Variants in ATP6V1H observed in about 807,000 individuals in gnomAD.
The protein encoded by ATP6V1H is V-type proton ATPase subunit H.
In ATP6V1H, 39 loss-of-function variants were observed where a neutral mutation model predicts 71.7. The observed-to-expected ratio is 0.54, with a 90% CI of 0.42 to 0.71. ATP6V1H has a LOEUF of 0.71. Among genes scored for constraint, ATP6V1H ranks in the 30% least tolerant of loss-of-function variants. The pLI, the probability that ATP6V1H is intolerant of heterozygous loss-of-function variation, is 0.00. For synonymous variants in ATP6V1H, 192 were observed against 199.3 expected (o/e 0.96, Z 0.31); for missense variants, 509 against 594.9 (o/e 0.86, Z 1.50).
intron 13 of ATP6V1H, among the ~76,000 whole-genome samples, chr8:53,723,558 G>A (rs111981509): frequency 4.9e-4 from 74 of 152,302 alleles, no homozygotes; most frequent in African/African-American, 1.7e-3. Flanking sequence ...ATGGTTTATC[G>A]TGATGTGGCC....
intron 13 of ATP6V1H, among the ~76,000 whole-genome samples, chr8:53,739,243 T>C (rs1331262561): frequency 6.6e-6 from 1 of 152,206 alleles, no homozygotes. Context: ...GTAACTTGAT[T>C]ATTATCCTAA....
rs569589434 is a variant in ATP6V1H at position 53,716,226 on chromosome 8, G to C, written c.1392-202C>G. 5.3e-4 allele frequency among the ~76,000 whole-genome samples: 81 copies of C among 152,270 alleles called. No homozygotes were observed. The South Asian group carries it at 0.017, about 32-fold the overall frequency. On this transcript the variant is annotated intron_variant, in intron 13 of 13. Transcript: ENST00000359530. ...TACTTCATGTATCATACACAAACAA[G>C]TTATGACAAAGACAAACTAGTCATT...
At chr8:53,786,227 C>G (rs920914490) in intron 9 of ATP6V1H, among the ~76,000 whole-genome samples, 2 of 152,222 alleles carry the variant, frequency 1.3e-5, no homozygotes, top group African/African-American at 2.4e-5. Context: ...CTACTCAAGC[C>G]TCGGCAATGG....
intron 6 of ATP6V1H, among the ~76,000 whole-genome samples, chr8:53,811,466 A>G (rs1810271691): frequency 6.6e-6 from 1 of 152,242 alleles, no homozygotes; most frequent in Admixed American, 6.5e-5. Flanking sequence ...TAAACTGACT[A>G]CTAAGCTCCA....
chr8:53,795,084 C>T (rs1302997647), intron 9 of ATP6V1H, among the ~76,000 whole-genome samples: 1 of 152,146 alleles, frequency 6.6e-6, no homozygotes, highest in Non-Finnish European at 1.5e-5. Flanking sequence ...CAATTAGCAA[C>T]GTGAAGTATT....
chr8:53,836,853 G>C (rs567746509), intron 2 of ATP6V1H, among the ~76,000 whole-genome samples: 1 of 152,216 alleles, frequency 6.6e-6, no homozygotes, highest in South Asian at 2.1e-4. Context: ...AAGAGAATAG[G>C]ATAGAAGCTG....
At chr8:53,755,563 C>T (rs1807982660) in intron 12 of ATP6V1H, among the ~76,000 whole-genome samples, 1 of 147,410 alleles carries the variant, frequency 6.8e-6, no homozygotes, top group African/African-American at 2.5e-5. Flanking sequence ...ATATTTTATG[C>T]TTCATTCATC....
chr8:53,842,697 A>G (rs567830738), intron 1 of ATP6V1H: 1 of 152,336 alleles, frequency 6.6e-6, no homozygotes, highest in African/African-American at 2.4e-5. Context: ...GGCGTAGCTC[A>G]AGGTGTCTCT....
At chr8:53,761,843 C>A (rs977515234) in intron 11 of ATP6V1H, among the ~76,000 whole-genome samples, 2 of 152,084 alleles carry the variant, frequency 1.3e-5, no homozygotes, top group African/African-American at 4.8e-5. Context: ...AAGAGGATTT[C>A]TTAAAAGTAT....
rs542712889 is a variant in ATP6V1H, at chr8:53,775,340, C to T, written c.871-3173G>A. On this transcript the variant is annotated intron_variant, in intron 9 of 13. Coordinates refer to ENST00000359530, the MANE Select transcript of ATP6V1H (RefSeq NM_015941.4). ...TTGCAAAGAGCGAAAGAACACAGCTCCCACAGTGTGGAAGGGGACCGGAGC... is the reference window on the plus strand; with the variant it reads ...TTGCAAAGAGCGAAAGAACACAGCTTCCACAGTGTGGAAGGGGACCGGAGC... 2.2e-3 allele frequency among the ~76,000 whole-genome samples: 338 copies of T among 152,298 alleles called. 2 individuals are homozygous for T. The highest frequency in any genetic ancestry group is 7.8e-3 in the African/African-American group (325 of 41,556).
At chr8:53,801,087 T>A (rs1346197750) in intron 8 of ATP6V1H, among the ~76,000 whole-genome samples, 1 of 152,220 alleles carries the variant, frequency 6.6e-6, no homozygotes, top group Non-Finnish European at 1.5e-5. Flanking sequence ...AAATACTGAC[T>A]GAAAAGACCT....
intron 7 of ATP6V1H, among the ~76,000 whole-genome samples, chr8:53,802,137 G>A (rs984178684): frequency 6.6e-6 from 1 of 152,112 alleles, no homozygotes; most frequent in African/African-American, 2.4e-5. Context: ...AACACACAGG[G>A]AAATCCGGAA....
intron 2 of ATP6V1H, 52 bp downstream of exon 2, chr8:53,841,526 T>C (rs1287139412): frequency 1.3e-6 from 2 of 1,576,538 alleles, no homozygotes. Flanking sequence ...CATGAAAAAG[T>C]CTGATGCAAA....
At chr8:53,732,240 T>C (rs1053084940) in intron 13 of ATP6V1H, among the ~76,000 whole-genome samples, 1 of 152,112 alleles carries the variant, frequency 6.6e-6, no homozygotes, top group Non-Finnish European at 1.5e-5. Context: ...GAGTGTTGTT[T>C]TGTCTCAAAA....
intron 13 of ATP6V1H, among the ~76,000 whole-genome samples, chr8:53,733,954 C>T (rs1807113178): frequency 6.6e-6 from 1 of 152,152 alleles, no homozygotes; most frequent in Non-Finnish European, 1.5e-5. Flanking sequence ...AGGCTGGTGG[C>T]CTACCTCTCT....
chr8:53,803,064 C>T (rs1428999496), intron 7 of ATP6V1H, among the ~76,000 whole-genome samples: 3 of 152,096 alleles, frequency 2.0e-5, no homozygotes, highest in East Asian at 3.9e-4. Context: ...AGGCTGGGTG[C>T]GGTGGCTCAC....
chr8:53,831,360 T>C (rs1407426009), intron 3 of ATP6V1H, among the ~76,000 whole-genome samples: 1 of 152,238 alleles, frequency 6.6e-6, no homozygotes, highest in Non-Finnish European at 1.5e-5. Context: ...ATAGTAAGTA[T>C]GTGTGTGTCT....
chr8:53,832,905 G>T, intron 3 of ATP6V1H, 79 bp downstream of exon 3: 2 of 880,566 alleles, frequency 2.3e-6, no homozygotes, highest in South Asian at 1.7e-5. Flanking sequence ...AAAACTGGAA[G>T]TCACTTATAA....
Position 53,833,118 on chromosome 8 carries a change from T to G in ATP6V1H, c.114-32A>C, listed in dbSNP as rs770687535. 4 of 1,559,060 alleles carry G rather than the reference T, an allele frequency of 2.6e-6. No homozygotes were observed. In the South Asian group the frequency reaches 3.4e-5, roughly 13 times the overall value. ...AGTAAGAATAAGATGTTTTGTTCAG[T>G]AAGAGTTGAATATGTAAGCAAGCGA... On this transcript the variant is annotated intron_variant, in intron 2 of 13. Transcript: ENST00000359530.
Sources: allele counts gnomAD v4.1 joint callset (sites outside exome capture counted in the v4.1 genomes callset), GRCh38; gene constraint gnomAD v4.1.1; transcripts MANE v1.5; gene names NCBI Gene and HGNC (gene_info 2026-07-23, HGNC 2026-07-21).